The following GPR158 variants were observed in gnomAD, a reference collection of about 807,000 sequenced individuals.
GPR158 encodes G protein-coupled receptor 158, also known as metabotropic glycine receptor.
In GPR158, 30 loss-of-function variants were observed where a neutral mutation model predicts 78.2. The observed-to-expected ratio is 0.38, with a 90% CI of 0.29 to 0.52. The LOEUF (loss-of-function observed/expected upper bound fraction) is 0.52. Ranked by LOEUF, GPR158 falls within the 20% of genes least tolerant of loss-of-function variation. The probability of loss-of-function intolerance (pLI) is 0.83; values close to 1 mark genes in which losing one functional copy is unlikely to be tolerated. For synonymous variants in GPR158, 581 were observed against 591.1 expected (o/e 0.98, Z 0.25); for missense variants, 1,463 against 1,523.5 (o/e 0.96, Z 0.66).
At chr10:25,427,040 G>A (rs1340812745) in intron 4 of GPR158, among the ~76,000 whole-genome samples, 1 of 151,840 alleles carries the variant, frequency 6.6e-6, no homozygotes. Context: ...CAAAAATTAT[G>A]GAATTTTTTC....
chr10:25,490,991 G>C, intron 5 of GPR158, among the ~76,000 whole-genome samples: 1 of 146,166 alleles, frequency 6.8e-6, no homozygotes, highest in South Asian at 2.1e-4. Context: ...AATTTGTGTT[G>C]GGGGGGTCCT....
Position 25,218,353 on chromosome 10 carries a change from G to A in GPR158, c.903-2699G>A, listed in dbSNP as rs192323145. Reference sequence around the variant, plus strand: ...TTTTTAGTTTCCATGTACGAACTTGGAATGAAGGGCGAAAGCTTTCAGTCA... The same window carrying A: ...TTTTTAGTTTCCATGTACGAACTTGAAATGAAGGGCGAAAGCTTTCAGTCA... On this transcript the variant is annotated intron_variant, in intron 1 of 10. Transcript: ENST00000376351. 6.2e-4 allele frequency among the ~76,000 whole-genome samples: 95 copies of A among 152,298 alleles called. 1 individual carries two copies. Among genetic ancestry groups the A allele is most frequent in the Middle Eastern group, 6.8e-3 (2 of 294 alleles).
At chr10:25,540,236 C>T (rs1176471006) in intron 5 of GPR158, among the ~76,000 whole-genome samples, 2 of 152,148 alleles carry the variant, frequency 1.3e-5, no homozygotes, top group Non-Finnish European at 2.9e-5. Context: ...ATCAAAACCA[C>T]AATGAGATAC....
At chr10:25,553,279 CTCTTT>C (rs888508695) in intron 6 of GPR158, among the ~76,000 whole-genome samples, 1 of 152,104 alleles carries the variant, frequency 6.6e-6, no homozygotes, top group African/African-American at 2.4e-5. Flanking sequence ...ATAACATTAT[CTCTTT>C]TATTTTAAAA....
At chr10:25,425,372 C>G (rs1459359195) in intron 4 of GPR158, among the ~76,000 whole-genome samples, 1 of 151,876 alleles carries the variant, frequency 6.6e-6, no homozygotes, top group Non-Finnish European at 1.5e-5. Flanking sequence ...GCCATTCTTG[C>G]AGGAGTGAAA....
intron 1 of GPR158, among the ~76,000 whole-genome samples, chr10:25,209,516 A>G (rs1348647330): frequency 1.3e-5 from 2 of 152,028 alleles, no homozygotes; most frequent in Non-Finnish European, 2.9e-5. Flanking sequence ...TGTGCTTTGC[A>G]TCTGCACTAC....
chr10:25,552,793 C>T (rs1412618960), intron 6 of GPR158, among the ~76,000 whole-genome samples: 1 of 152,228 alleles, frequency 6.6e-6, no homozygotes, highest in East Asian at 1.9e-4. Flanking sequence ...GTGTCTGGAA[C>T]ACCTAACACT....
chr10:25,548,447 C>G (rs1012068245), intron 5 of GPR158, among the ~76,000 whole-genome samples: 19 of 152,126 alleles, frequency 1.2e-4, no homozygotes, highest in African/African-American at 4.6e-4. Context: ...ATAATATTAG[C>G]CAATACTTAT....
intron 2 of GPR158, among the ~76,000 whole-genome samples, chr10:25,295,589 A>G (rs1854499759): frequency 6.6e-6 from 1 of 151,812 alleles, no homozygotes; most frequent in African/African-American, 2.4e-5. Flanking sequence ...AATTTTTTGT[A>G]TTTTTAGTAG....
chr10:25,524,329 C>G (rs1046702893), intron 5 of GPR158, among the ~76,000 whole-genome samples: 1 of 152,144 alleles, frequency 6.6e-6, no homozygotes, highest in Non-Finnish European at 1.5e-5. Context: ...CCCAGAATAT[C>G]TAAAATAATT....
At chr10:25,250,815 G>C (rs1280975361) in intron 2 of GPR158, among the ~76,000 whole-genome samples, 2 of 150,326 alleles carry the variant, frequency 1.3e-5, no homozygotes, top group Non-Finnish European at 2.9e-5. Flanking sequence ...GAGTTCTGTA[G>C]ATGTCTATTA....
chr10:25,302,797 T>C lies in GPR158; in HGVS notation c.1008+81640T>C, dbSNP rs545731882. On this transcript the variant is annotated intron_variant, in intron 2 of 10. Coordinates refer to ENST00000376351, the MANE Select transcript of GPR158 (RefSeq NM_020752.3). ...TTCTGTGATGAGTGCATATCTGAGC[T>C]GTCTCTTATGGTAGCTGCTAGCCAA... is the stretch of plus-strand genomic sequence containing the variant. Among the ~76,000 whole-genome samples the C allele has an allele frequency of 2.0e-5, 3 of 152,254 alleles. No homozygotes were observed. In the East Asian group the frequency reaches 5.8e-4, roughly 29 times the overall value.
chr10:25,521,848 T>C (rs927398319), intron 5 of GPR158, among the ~76,000 whole-genome samples: 1 of 152,196 alleles, frequency 6.6e-6, no homozygotes, highest in African/African-American at 2.4e-5. Context: ...TTAGTTTATA[T>C]GAAAACTGCT....
chr10:25,457,004 G>T (rs1039522049), intron 4 of GPR158, among the ~76,000 whole-genome samples: 1 of 151,724 alleles, frequency 6.6e-6, no homozygotes, highest in Non-Finnish European at 1.5e-5. Flanking sequence ...TTGGAGTCTC[G>T]CCCTGTCACC....
intron 5 of GPR158, among the ~76,000 whole-genome samples, chr10:25,522,260 G>A (rs542092895): frequency 4.6e-5 from 7 of 152,264 alleles, no homozygotes; most frequent in Non-Finnish European, 5.9e-5. Context: ...TTAGATCCAC[G>A]TTTTCAGCTA....
rs554137157 is a variant in GPR158, at chr10:25,403,047, T to C, written c.1111+7034T>C. Among the ~76,000 whole-genome samples the C allele has an allele frequency of 5.9e-5, 9 of 151,920 alleles. No homozygotes were observed. The South Asian group carries it at 1.5e-3, about 25-fold the overall frequency. On this transcript the variant is annotated intron_variant, in intron 3 of 10. Coordinates refer to ENST00000376351, the MANE Select transcript of GPR158 (RefSeq NM_020752.3). ...TTTATAGTTTGTAGGCAAATGTCTG[T>C]ATATATCATCTTTCTAAAAATTTGG... is the stretch of plus-strand genomic sequence containing the variant.
intron 2 of GPR158, among the ~76,000 whole-genome samples, chr10:25,318,024 A>G (rs999055482): frequency 2.6e-5 from 4 of 152,140 alleles, no homozygotes; most frequent in Admixed American, 6.6e-5. Context: ...TGCCTGGCCC[A>G]TAAAGTACTT....
rs71677287 is a variant in GPR158 at position 25,580,923 on chromosome 10, A to ATTT, written c.1753+8038_1753+8040dup. Among the ~76,000 whole-genome samples the ATTT allele has an allele frequency of 1.5e-3, 154 of 102,954 alleles. 2 individuals are homozygous for ATTT. Among genetic ancestry groups the ATTT allele is most frequent in the African/African-American group, 9.4e-3 (148 of 15,730 alleles). The allele number at this position is 102,954 out of a possible 152,430, so 67.5% of individuals were successfully genotyped here. A position where few individuals can be genotyped will look rare whatever the true frequency, so the allele number is the denominator to read the frequency against. ...TTATTTTTTTATTTTATTTTATTTTATTTTATTTTTTTGAGACGGAGTCTC... is the reference window on the plus strand; with the variant it reads ...TTATTTTTTTATTTTATTTTATTTTATTTTTTTATTTTTTTGAGACGGAGTCTC... On this transcript the variant is annotated intron_variant, in intron 7 of 10. Transcript: ENST00000376351.
Position 25,489,315 on chromosome 10 carries a change from G to C in GPR158, c.1404+22596G>C, listed in dbSNP as rs187521160. Among the ~76,000 whole-genome samples the C allele has an allele frequency of 2.0e-3, 303 of 152,182 alleles. 4 individuals carry two copies. The highest frequency in any genetic ancestry group is 7.0e-3 in the African/African-American group (292 of 41,516). ...ACTGGGCTAGGACTCTTGGCAAGTGGTATTTCTTATATATATTCAGTTTTT... is the reference window on the plus strand; with the variant it reads ...ACTGGGCTAGGACTCTTGGCAAGTGCTATTTCTTATATATATTCAGTTTTT... On this transcript the variant is annotated intron_variant, in intron 5 of 10. Coordinates refer to ENST00000376351, the MANE Select transcript of GPR158 (RefSeq NM_020752.3).
Sources: gnomAD v4.1 joint callset for allele counts (sites outside exome capture counted in the v4.1 genomes callset) on GRCh38, gnomAD v4.1.1 for gene constraint, MANE v1.5 for transcripts, NCBI Gene and HGNC (gene_info 2026-07-23, HGNC 2026-07-21) for gene names.